Variants in PCNX1 observed in about 807,000 individuals in gnomAD.
The protein encoded by PCNX1 is pecanex-like protein 1.
A neutral mutation model predicts 242.2 loss-of-function variants in PCNX1; 78 were observed. The ratio of observed to expected loss-of-function variants is 0.32; its 90% CI spans 0.27 to 0.39. The LOEUF (loss-of-function observed/expected upper bound fraction) is 0.39. PCNX1 is among the 10% of genes least tolerant of loss of function. The pLI is 1.00. For synonymous variants in PCNX1, 1,024 were observed against 1,032.9 expected, an observed-to-expected ratio of 0.99 and a Z score of 0.17; for missense variants, 2,581 against 2,856.5, an observed-to-expected ratio of 0.90 and a Z score of 2.20.
At chr14:71,023,331 C>T in intron 13 of PCNX1, 99 bp downstream of exon 13, 1 of 810,074 alleles carries the variant, frequency 1.2e-6, no homozygotes. Context: ...TGGAATGCAT[C>T]AGCCTGAACT....
chr14:70,956,839 GT>G (rs1258843468), intron 2 of PCNX1, among the ~76,000 whole-genome samples: 6 of 151,982 alleles, frequency 3.9e-5, no homozygotes, highest in Non-Finnish European at 7.4e-5. Context: ...TTGCCTTTTG[GT>G]TTTCAGTTTT....
intron 2 of PCNX1, among the ~76,000 whole-genome samples, chr14:70,956,643 C>G (rs1321052115): frequency 1.3e-5 from 2 of 152,106 alleles, no homozygotes; most frequent in African/African-American, 4.8e-5. Flanking sequence ...TGAGCCTTAT[C>G]TTAGGCCATG....
At chr14:70,958,075 C>T (rs564674694) in intron 2 of PCNX1, among the ~76,000 whole-genome samples, 1 of 152,250 alleles carries the variant, frequency 6.6e-6, no homozygotes, top group South Asian at 2.1e-4. Flanking sequence ...AGAAAAATTT[C>T]TCCTCTGTCC....
intron 24 of PCNX1, among the ~76,000 whole-genome samples, chr14:71,055,195 A>G (rs983239408): frequency 1.3e-5 from 2 of 152,216 alleles, no homozygotes; most frequent in African/African-American, 2.4e-5. Context: ...TAAGAACCAT[A>G]TACAGTATAC....
At position 70,934,762 on chromosome 14, in the gene PCNX1, C is replaced by T. The variant is rs1440307298; in HGVS notation, c.154-12153C>T. On this transcript the variant is annotated intron_variant, in intron 1 of 35. Coordinates refer to ENST00000304743, the MANE Select transcript of PCNX1 (RefSeq NM_014982.3). ...GAAACACAAAGTAGGTGGTGGTTGC[C>T]AGGGCATAGGGGAAAGGAAGTTGTT... Among the ~76,000 whole-genome samples, 5 of 152,196 alleles carry T rather than the reference C, an allele frequency of 3.3e-5. No individual in the cohort carries two copies. In the East Asian group the frequency reaches 5.8e-4, roughly 18 times the overall value.
intron 1 of PCNX1, among the ~76,000 whole-genome samples, chr14:70,938,574 A>G (rs1041294803): frequency 6.6e-6 from 1 of 152,168 alleles, no homozygotes; most frequent in Non-Finnish European, 1.5e-5. Flanking sequence ...CATCAAGGAT[A>G]TTGGTCTAAA....
At chr14:71,002,041 C>T (rs1376056153) in intron 8 of PCNX1, among the ~76,000 whole-genome samples, 1 of 152,134 alleles carries the variant, frequency 6.6e-6, no homozygotes, top group Non-Finnish European at 1.5e-5. Context: ...AACTTCTCGT[C>T]GTGGGAGAGG....
At chr14:70,942,487 G>A (rs184866707) in intron 1 of PCNX1, among the ~76,000 whole-genome samples, 7 of 152,204 alleles carry the variant, frequency 4.6e-5, no homozygotes, top group Admixed American at 1.3e-4. Flanking sequence ...GATGTGTGGG[G>A]GTGTCCCCAC....
At chr14:70,958,489 G>A (rs953625862) in intron 2 of PCNX1, among the ~76,000 whole-genome samples, 10 of 152,182 alleles carry the variant, frequency 6.6e-5, no homozygotes, top group Non-Finnish European at 1.2e-4. Context: ...CTGCACATGA[G>A]GGATGTCTTC....
chr14:70,987,037 G>T (rs1010682667), intron 6 of PCNX1, among the ~76,000 whole-genome samples: 2 of 152,022 alleles, frequency 1.3e-5, no homozygotes, highest in Non-Finnish European at 2.9e-5. Flanking sequence ...CCCTCAATTG[G>T]CTTGTTTTCT....
intron 2 of PCNX1, among the ~76,000 whole-genome samples, chr14:70,961,020 A>G (rs2058191780): frequency 6.6e-6 from 1 of 152,224 alleles, no homozygotes; most frequent in Admixed American, 6.5e-5. Context: ...AAAAGAGGAT[A>G]CAAACAAATG....
chr14:70,965,547 C>G (rs2058350334), intron 3 of PCNX1: 1 of 151,416 alleles, frequency 6.6e-6, no homozygotes, highest in African/African-American at 2.4e-5. Flanking sequence ...CCTGTATTCC[C>G]AGCTACCCAG....
chr14:70,911,323 A>G (rs1432195725), intron 1 of PCNX1, among the ~76,000 whole-genome samples: 1 of 126,898 alleles, frequency 7.9e-6, no homozygotes, highest in Non-Finnish European at 1.7e-5. Flanking sequence ...ATCGTACATT[A>G]AGTTAGGAAA....
At position 70,995,723 on chromosome 14, in the gene PCNX1, A is replaced by T. The variant is rs762672191; in HGVS notation, c.2445-18A>T. The T allele has an allele frequency of 1.2e-6, 2 of 1,610,882 alleles. No individual in the cohort carries two copies. Among genetic ancestry groups the T allele is most frequent in the South Asian group, 2.2e-5 (2 of 90,966 alleles). On this transcript the variant is annotated intron_variant, in intron 7 of 35. Coordinates refer to ENST00000304743, the MANE Select transcript of PCNX1 (RefSeq NM_014982.3). ...TTTTCTTCCCTGTAATGTCTCCCCA[A>T]TCCATGTTTTTTCCTAGCCTTCAAG...
At chr14:71,055,627 A>G (rs2286312) in intron 25 of PCNX1, 65 bp downstream of exon 25, 83,339 of 915,740 alleles carry the variant, frequency 0.091, 4,964 homozygotes, top group Admixed American at 0.21. Flanking sequence ...ATATGTTTAT[A>G]TTCACTCCTA....
chr14:70,968,343 C>A (rs887347195), intron 4 of PCNX1, 100 bp downstream of exon 4: 1 of 682,148 alleles, frequency 1.5e-6, no homozygotes, highest in South Asian at 2.2e-5. Flanking sequence ...TGAAAAAAAT[C>A]ATTCTTGAAA....
intron 1 of PCNX1, among the ~76,000 whole-genome samples, chr14:70,925,769 G>T (rs2056566649): frequency 1.3e-5 from 2 of 151,914 alleles, no homozygotes; most frequent in South Asian, 4.2e-4. Flanking sequence ...TCATAGCTTT[G>T]TGAGATGAAG....
intron 1 of PCNX1, among the ~76,000 whole-genome samples, chr14:70,914,282 C>G (rs1047466402): frequency 2.0e-5 from 3 of 152,074 alleles, no homozygotes; most frequent in African/African-American, 7.2e-5. Context: ...CTCAGCATCA[C>G]TTAATATGCC....
intron 7 of PCNX1, among the ~76,000 whole-genome samples, chr14:70,992,791 A>G (rs2059207420): frequency 1.3e-5 from 2 of 152,186 alleles, no homozygotes; most frequent in Non-Finnish European, 2.9e-5. Flanking sequence ...AAAAAGATTT[A>G]TTTGTACCAT....
Sources: allele counts gnomAD v4.1 joint callset (sites outside exome capture counted in the v4.1 genomes callset), GRCh38; gene constraint gnomAD v4.1.1; transcripts MANE v1.5; gene names NCBI Gene and HGNC (gene_info 2026-07-23, HGNC 2026-07-21).